Variants in LRRK2 observed in about 807,000 individuals in gnomAD.
LRRK2 encodes the protein leucine rich repeat kinase 2, also known as leucine-rich repeat serine/threonine-protein kinase 2.
In LRRK2, 203 loss-of-function variants were observed where a neutral mutation model predicts 302.6. That is an observed-to-expected ratio of 0.67 (90% CI 0.60 to 0.75). The LOEUF is 0.75. Ranked by LOEUF, LRRK2 falls within the 30% of genes least tolerant of loss-of-function variation. The probability of loss-of-function intolerance (pLI) is 0.00; values close to 1 mark genes in which losing one functional copy is unlikely to be tolerated. For missense variants in LRRK2, 2,830 were observed against 2,951.0 expected, an observed-to-expected ratio of 0.96 and a Z score of 0.95; for synonymous variants, 1,066 against 1,031.9, an observed-to-expected ratio of 1.03 and a Z score of -0.63.
chr12:40,308,389 A>G (rs1339253900), intron 28 of LRRK2, 78 bp from the exon 29 acceptor site: 3 of 1,052,148 alleles, frequency 2.9e-6, no homozygotes, highest in Non-Finnish European at 4.3e-6. Flanking sequence ...GAATAGTGTG[A>G]CATGTAAAAG....
rs1271767434 is a variant in LRRK2, at chr12:40,274,683, T to C, written c.1757T>C (p.Met586Thr). The C allele has an allele frequency of 6.2e-7, 1 of 1,614,068 alleles. No individual in the cohort carries two copies. The highest frequency in any genetic ancestry group is 8.5e-7 in the Non-Finnish European group (1 of 1,179,950). ...ALEMLSLEGA[M>T]DSVLHTLQMY... ...GAGATGTTATCCCTGGAAGGTGCTA[T>C]GGATTCAGTGCTTCACACACTGCAG... Residue 586 changes from methionine to threonine, a missense_variant, in exon 15 of 51, where the codon ATG (methionine) becomes ACG (threonine). Met to Thr is a moderately conservative substitution (Grantham distance 81). Transcript: ENST00000298910.
At chr12:40,332,643 G>A (rs921182388) in intron 39 of LRRK2, among the ~76,000 whole-genome samples, 2 of 152,076 alleles carry the variant, frequency 1.3e-5, no homozygotes, top group African/African-American at 2.4e-5. Flanking sequence ...TATCCTGGGG[G>A]CATTTTAATT....
intron 30 of LRRK2, among the ~76,000 whole-genome samples, chr12:40,309,446 T>C (rs879168312): frequency 6.6e-6 from 1 of 152,158 alleles, no homozygotes; most frequent in South Asian, 2.1e-4. Context: ...GTGAATGTTA[T>C]TGGTAACCTG....
chr12:40,327,458 A>C (rs940527118), intron 38 of LRRK2, among the ~76,000 whole-genome samples: 3 of 152,142 alleles, frequency 2.0e-5, no homozygotes, highest in African/African-American at 7.2e-5. Context: ...AAAGCTCCTC[A>C]GATGTACTAT....
chr12:40,354,012 G>A (rs928260023), intron 44 of LRRK2, among the ~76,000 whole-genome samples: 5 of 152,096 alleles, frequency 3.3e-5, no homozygotes, highest in Non-Finnish European at 5.9e-5. Flanking sequence ...AGAGGGAGAC[G>A]GAGAGGGAGA....
chr12:40,297,207 A>G (rs1268441844), intron 23 of LRRK2, among the ~76,000 whole-genome samples: 1 of 152,228 alleles, frequency 6.6e-6, no homozygotes, highest in Non-Finnish European at 1.5e-5. Context: ...CCTTCAATTA[A>G]TATTTGTTAA....
At chr12:40,273,148 C>T (rs1218916181) in intron 14 of LRRK2, among the ~76,000 whole-genome samples, 1 of 152,164 alleles carries the variant, frequency 6.6e-6, no homozygotes, top group Non-Finnish European at 1.5e-5. Context: ...TCACTTTGCA[C>T]AACTTTGAAT....
intron 41 of LRRK2, among the ~76,000 whole-genome samples, chr12:40,342,604 C>T (rs1946079323): frequency 6.6e-6 from 1 of 151,944 alleles, no homozygotes; most frequent in Non-Finnish European, 1.5e-5. Flanking sequence ...CAATAACTCC[C>T]ACTCCTGCTA....
At chr12:40,259,847 G>C (rs1437126674) in intron 13 of LRRK2, among the ~76,000 whole-genome samples, 1 of 152,096 alleles carries the variant, frequency 6.6e-6, no homozygotes, top group East Asian at 1.9e-4. Flanking sequence ...GTAAAATGTG[G>C]AGCTTTTATT....
rs542788700 is a variant in LRRK2 at position 40,275,836 on chromosome 12, C to T, written c.1941+843C>T. On this transcript the variant is annotated intron_variant, in intron 16 of 50. Coordinates refer to ENST00000298910, the MANE Select transcript of LRRK2 (RefSeq NM_198578.4). Reference sequence around the variant, plus strand: ...ATATTTCCCAGGCTGGTCTCAAACTCCCTGGTCTCAAGCAATCTGTCCTGC... The same window carrying T: ...ATATTTCCCAGGCTGGTCTCAAACTTCCTGGTCTCAAGCAATCTGTCCTGC... 5.3e-4 allele frequency among the ~76,000 whole-genome samples: 80 copies of T among 152,090 alleles called. 2 individuals carry two copies. The South Asian group carries it at 0.015, about 29-fold the overall frequency.
Position 40,340,274 on chromosome 12 carries a change from T to C in LRRK2, c.5949-20T>C, listed in dbSNP as rs761091728. 3.7e-6 allele frequency: 6 copies of C among 1,612,706 alleles called. No homozygotes were observed. The African/African-American group carries it at 6.7e-5, about 18-fold the overall frequency. On this transcript the variant is annotated intron_variant, in intron 40 of 50. Transcript: ENST00000298910. ...AATGTAATCACATTTGAATAAGATT[T>C]CCTGTGCATTTTCTGGCAGATACCT...
intron 23 of LRRK2, 80 bp from the exon 24 acceptor site, chr12:40,298,163 G>GTAACTAGA (rs1424560919): frequency 1.3e-5 from 18 of 1,421,020 alleles, no homozygotes; most frequent in Non-Finnish European, 1.5e-5. Context: ...AGTTACCAGA[G>GTAACTAGA]GTGTGTAAGG....
Position 40,293,659 on chromosome 12 carries a change from C to A in LRRK2, c.2804C>A (p.Ser935Tyr). The change falls in exon 21 of 51, where the codon TCC becomes TAC. Residue 935 changes from serine to tyrosine, a missense_variant. This residue lies in a region of LRRK2 where 2,121 missense variants were observed against 2,148.0 expected (regional missense o/e 0.99). Transcript: ENST00000298910. ...CCAAATTTGCAAAGACATTCCAATT[C>A]CTTGGTAAGTTAAATTGTGCAATTG... is the stretch of plus-strand genomic sequence containing the variant. ...CSPNLQRHSN[S>Y]LGPIFDHEDL... 6.3e-7 allele frequency: 1 copy of A among 1,594,080 alleles called. No homozygotes were observed. The highest frequency in any genetic ancestry group is 1.1e-5 in the South Asian group (1 of 90,654).
At chr12:40,274,562 C>G (rs75915916) in intron 14 of LRRK2, 21 bp from the exon 15 acceptor site, 12 of 1,612,352 alleles carry the variant, frequency 7.4e-6, no homozygotes, top group South Asian at 1.1e-5. Flanking sequence ...TTTTTAACAG[C>G]GAGTATTCTT....
intron 50 of LRRK2, chr12:40,367,351 A>C (rs1419793587): frequency 2.3e-6 from 1 of 431,384 alleles, no homozygotes; most frequent in African/African-American, 2.1e-5. Context: ...ATCTATATCT[A>C]CATAATGTCT....
At chr12:40,252,821 G>A in intron 10 of LRRK2, 89 bp from the exon 11 acceptor site, 1 of 839,916 alleles carries the variant, frequency 1.2e-6, no homozygotes. Context: ...GCTCTTAATT[G>A]TTGTTAGAGA....
At chr12:40,272,726 C>A (rs996228115) in intron 14 of LRRK2, among the ~76,000 whole-genome samples, 2 of 151,838 alleles carry the variant, frequency 1.3e-5, no homozygotes, top group African/African-American at 4.8e-5. Context: ...TAGGGGAGTA[C>A]GATGTCATGG....
At chr12:40,310,311 G>A (rs930720974) in intron 30 of LRRK2, 120 bp from the exon 31 acceptor site, 6 of 922,834 alleles carry the variant, frequency 6.5e-6, no homozygotes, top group Non-Finnish European at 1.1e-5. Context: ...TTCTTCTTCT[G>A]AAGTCTGCTA....
chr12:40,252,798 A>G, intron 10 of LRRK2, 112 bp from the exon 11 acceptor site: 1 of 730,824 alleles, frequency 1.4e-6, no homozygotes. Flanking sequence ...GTGGCATGAA[A>G]TATTGTTTAT....
Sources: allele counts gnomAD v4.1 joint callset (sites outside exome capture counted in the v4.1 genomes callset), GRCh38; gene constraint gnomAD v4.1.1; regional missense constraint gnomAD v4.1.1; transcripts MANE v1.5; gene names NCBI Gene and HGNC (gene_info 2026-07-23, HGNC 2026-07-21).